The following CIP2A variants were observed in gnomAD, a reference collection of about 807,000 sequenced individuals.
The protein encoded by CIP2A is cellular inhibitor of PP2A, also known as protein CIP2A.
A neutral mutation model predicts 110.9 loss-of-function variants in CIP2A; 103 were observed. That is an observed-to-expected ratio of 0.93 (90% confidence interval 0.79 to 1.09). The LOEUF (loss-of-function observed/expected upper bound fraction) is 1.09, where lower values mean the gene tolerates loss of function less well. Among genes scored for constraint, CIP2A ranks in the 50% least tolerant of loss-of-function variants. The pLI is 0.00. For missense variants in CIP2A, 1,088 were observed against 1,038.4 expected, an observed-to-expected ratio of 1.05 and a Z score of -0.66; for synonymous variants, 381 against 361.6, an observed-to-expected ratio of 1.05 and a Z score of -0.61.
At chr3:108,559,001 T>G (rs961262569) in intron 16 of CIP2A, among the ~76,000 whole-genome samples, 16 of 152,024 alleles carry the variant, frequency 1.1e-4, no homozygotes, top group African/African-American at 2.9e-4. Flanking sequence ...GCCTTAGAGA[T>G]CCTTGGGGGA....
At chr3:108,574,905 C>G (rs1156263029) in intron 8 of CIP2A, 2 of 152,526 alleles carry the variant, frequency 1.3e-5, no homozygotes, top group Non-Finnish European at 2.9e-5. Context: ...AGGTCCCTGG[C>G]TGCCCAAAGA....
chr3:108,576,088 AAG>A (rs1938639281), intron 8 of CIP2A, among the ~76,000 whole-genome samples, 181 bp downstream of exon 8: 1 of 151,948 alleles, frequency 6.6e-6, no homozygotes, highest in African/African-American at 2.4e-5. Flanking sequence ...GGAGCACAAG[AAG>A]AGTTCTAGAA....
intron 7 of CIP2A, among the ~76,000 whole-genome samples, chr3:108,578,177 G>A (rs577198097): frequency 6.6e-6 from 1 of 152,298 alleles, no homozygotes; most frequent in South Asian, 2.1e-4. Context: ...AAATGATTAA[G>A]CTACCTCTTA....
rs1163540696 is a variant in CIP2A, at chr3:108,565,452, T to C, written c.1418A>G (p.Lys473Arg). Residue 473 changes from lysine to arginine, a missense_variant and splice_region_variant, in exon 12 of 21, where the codon AAA becomes AGA. By Grantham distance (26) the Lys-to-Arg change is conservative (BLOSUM62 2). Coordinates refer to ENST00000295746, the MANE Select transcript of CIP2A (RefSeq NM_020890.3). ...TTTCAAAATTACATCAGCAGCAAGT[T>C]TGCTTTAAAGATAAATCACATTTAA... ...GTKVADSELC[K>R]LAADVILKTL... 3.8e-6 allele frequency: 6 copies of C among 1,562,438 alleles called. No homozygotes were observed. Among genetic ancestry groups the C allele is most frequent in the Non-Finnish European group, 5.2e-6 (6 of 1,143,312 alleles).
intron 13 of CIP2A, 35 bp from the exon 14 acceptor site, chr3:108,560,876 T>C (rs1937985526): frequency 7.7e-6 from 11 of 1,424,360 alleles, no homozygotes; most frequent in Non-Finnish European, 1.0e-5. Context: ...AAAAAAATTA[T>C]ACGAAAATAG....
At position 108,589,397 on chromosome 3, in the gene CIP2A, T is replaced by G; in HGVS notation, c.-22A>C. 5 of 1,571,946 alleles carry G rather than the reference T, an allele frequency of 3.2e-6. No individual in the cohort carries two copies. Among genetic ancestry groups the G allele is most frequent in the Non-Finnish European group, 4.4e-6 (5 of 1,145,858 alleles). Reference sequence around the variant, plus strand: ...CCATTGCACCGGCCGCGGCCCGGCTTAGGGACCACCACCGCCCAGCGTGCG... The same window carrying G: ...CCATTGCACCGGCCGCGGCCCGGCTGAGGGACCACCACCGCCCAGCGTGCG... On this transcript the variant is annotated 5_prime_UTR_variant, in exon 1 of 21. Coordinates refer to ENST00000295746, the MANE Select transcript of CIP2A (RefSeq NM_020890.3).
At chr3:108,560,168 T>C (rs938642202) in intron 14 of CIP2A, 140 bp from the exon 15 acceptor site, 29 of 591,448 alleles carry the variant, frequency 4.9e-5, no homozygotes, top group Non-Finnish European at 8.7e-5. Context: ...ATCAGGTAAG[T>C]CACAAATATT....
At position 108,568,182 on chromosome 3, in the gene CIP2A, T is replaced by A; in HGVS notation, c.1246A>T (p.Ile416Phe). The change falls in exon 10 of 21, where the codon ATT (isoleucine) becomes TTT (phenylalanine). Residue 416 changes from isoleucine to phenylalanine, a missense_variant. Transcript: ENST00000295746. ...AACAAAACTTCAATGGCCTTGGCAA[T>A]CCTTTCACATTTTTTTCTTGTTAAA... is the stretch of plus-strand genomic sequence containing the variant. ...EALTRKKCER[I>F]AKAIEVLLTL... The A allele has an allele frequency of 6.2e-7, 1 of 1,612,070 alleles. No individual in the cohort carries two copies. Among genetic ancestry groups the A allele is most frequent in the Non-Finnish European group, 8.5e-7 (1 of 1,178,646 alleles).
intron 20 of CIP2A, 111 bp downstream of exon 20, chr3:108,552,123 T>C (rs1424843911): frequency 6.6e-6 from 5 of 760,582 alleles, no homozygotes; most frequent in Non-Finnish European, 8.2e-6. Flanking sequence ...GAGATCCTAA[T>C]ATCTTCTAAA....
At chr3:108,578,171 G>T (rs1466234797) in intron 7 of CIP2A, among the ~76,000 whole-genome samples, 1 of 152,200 alleles carries the variant, frequency 6.6e-6, no homozygotes, top group Non-Finnish European at 1.5e-5. Context: ...CAGAATAAAT[G>T]ATTAAGCTAC....
intron 17 of CIP2A, among the ~76,000 whole-genome samples, chr3:108,555,392 C>T (rs1937760276): frequency 6.6e-6 from 1 of 152,086 alleles, no homozygotes; most frequent in South Asian, 2.1e-4. Flanking sequence ...ACTTGTTAAA[C>T]AGGAAGGTAA....
intron 16 of CIP2A, among the ~76,000 whole-genome samples, chr3:108,558,687 G>C (rs771903760): frequency 5.2e-4 from 79 of 152,112 alleles, no homozygotes; most frequent in Non-Finnish European, 3.2e-4. Flanking sequence ...TAGGCTTCTG[G>C]GTAATGAGGA....
rs989971901 is a variant in CIP2A, at chr3:108,579,295, A to G, written c.804T>C (p.Ala268=). Residue 268 remains alanine (A), a synonymous_variant, in exon 7 of 21, where the codon GCT becomes GCC. Coordinates refer to ENST00000295746, the MANE Select transcript of CIP2A (RefSeq NM_020890.3). The part of the protein sequence containing the change: ...LMDLLKNPKI[A]DYLTRYEHFS... The stretch of plus-strand genomic sequence containing the variant: ...GTGAGTCATACCTGGTGAGATAATC[A>G]GCAATTTTAGGATTCTTAAGGAGAT... The G allele has an allele frequency of 5.6e-6, 9 of 1,609,530 alleles. No individual in the cohort carries two copies. Among genetic ancestry groups the G allele is most frequent in the Non-Finnish European group, 7.6e-6 (9 of 1,177,184 alleles).
In CIP2A at chr3:108,554,408, CT is replaced by C; in HGVS notation, c.2291del (p.Lys764SerfsTer2). On this transcript the variant is annotated frameshift_variant, in exon 18 of 21. Coordinates refer to ENST00000295746, the MANE Select transcript of CIP2A (RefSeq NM_020890.3). LOFTEE classifies it high-confidence loss of function. The part of the protein sequence containing the change: ...SLNKQIETVK[K>X]LNESLKEQNE... Reference sequence around the variant, plus strand: ...TTTGTTCCTTGAGTGACTCATTCAACTTTTTCACTGTCTCAATTTGTTTATT... The same window carrying C: ...TTTGTTCCTTGAGTGACTCATTCAACTTTTCACTGTCTCAATTTGTTTATT... The C allele has an allele frequency of 1.9e-6, 3 of 1,551,544 alleles. No individual in the cohort carries two copies. The highest frequency in any genetic ancestry group is 1.1e-5 in the South Asian group (1 of 87,536).
At position 108,566,624 on chromosome 3, in the gene CIP2A, C is replaced by T; in HGVS notation, c.1288G>A (p.Asp430Asn). 6.3e-7 allele frequency: 1 copy of T among 1,599,412 alleles called. No homozygotes were observed. The highest frequency in any genetic ancestry group is 8.5e-7 in the Non-Finnish European group (1 of 1,173,126). The change falls in exon 11 of 21, where the codon GAT (aspartate) becomes AAT (asparagine). Residue 430 changes from aspartate (D) to asparagine (N), a missense_variant. Transcript: ENST00000295746. ...IEVLLTLCGD[D>N]TLKMHIAKIL... ...TTTGCAATATGCATTTTTAGTGTAT[C>T]ATCTCCACAGAGAGGTTAAGTTTTG... is the stretch of plus-strand genomic sequence containing the variant.
intron 17 of CIP2A, among the ~76,000 whole-genome samples, chr3:108,554,983 A>C (rs1937736595): frequency 1.3e-5 from 2 of 152,208 alleles, no homozygotes; most frequent in African/African-American, 4.8e-5. Flanking sequence ...CCCAAAAACC[A>C]AACCAAAACA....
At chr3:108,564,597 C>A (rs1938117992) in intron 12 of CIP2A, among the ~76,000 whole-genome samples, 1 of 151,666 alleles carries the variant, frequency 6.6e-6, no homozygotes, top group South Asian at 2.1e-4. Flanking sequence ...TTCCAAAAAA[C>A]CAGGAGATTT....
chr3:108,588,038 A>C (rs1251044840), intron 1 of CIP2A, among the ~76,000 whole-genome samples: 1 of 152,200 alleles, frequency 6.6e-6, no homozygotes, highest in African/African-American at 2.4e-5. Context: ...TCGGCCTCCC[A>C]AAGTGCTGGG....
rs542649589 is a variant in CIP2A at position 108,550,375 on chromosome 3, A to G, written c.*774T>C. 3 of 151,704 alleles carry G rather than the reference A, an allele frequency of 2.0e-5. No homozygotes were observed. In the East Asian group the frequency reaches 5.8e-4, roughly 29 times the overall value. 9.4% of individuals were successfully genotyped at this position (151,704 alleles called of 1,614,324 possible). ...TAGAATCCAAATTATCCTTATGTAA[A>G]TCATAAGAAACTTATAATTAATTAT... On this transcript the variant is annotated 3_prime_UTR_variant, in exon 21 of 21. Coordinates refer to ENST00000295746, the MANE Select transcript of CIP2A (RefSeq NM_020890.3).
Sources: gnomAD v4.1 joint callset for allele counts (sites outside exome capture counted in the v4.1 genomes callset) on GRCh38, gnomAD v4.1.1 for gene constraint, MANE v1.5 for transcripts, NCBI Gene and HGNC (gene_info 2026-07-23, HGNC 2026-07-21) for gene names.